Variants in EFCAB11 observed in about 807,000 individuals in gnomAD.
The protein encoded by EFCAB11 is EF-hand calcium-binding domain-containing protein 11.
In EFCAB11, 14 loss-of-function variants were observed where a neutral mutation model predicts 23.0. The ratio of observed to expected loss-of-function variants is 0.61; its 90% CI spans 0.40 to 0.95. EFCAB11 has a LOEUF of 0.95. Ranked by LOEUF, EFCAB11 falls within the 40% of genes least tolerant of loss-of-function variation. EFCAB11 has a pLI of 0.00. For missense variants in EFCAB11, 198 were observed against 195.8 expected (o/e 1.01, Z -0.07); for synonymous variants, 65 against 66.6 (o/e 0.98, Z 0.11).
At chr14:89,831,349 A>T (rs1409866003) in intron 5 of EFCAB11, 3 of 152,222 alleles carry the variant, frequency 2.0e-5, no homozygotes, top group African/African-American at 7.2e-5. Context: ...ATTCAGATAC[A>T]GAGTTTAGAG....
rs372634586 is a variant in EFCAB11, at chr14:89,884,043, C to A, written c.410+47498G>T. Reference sequence around the variant, plus strand: ...TCCAGAGGCGGAGGTGGGAAGATTGCTTGAGCCCAGGAGTTTGAGGCTATA... The same window carrying A: ...TCCAGAGGCGGAGGTGGGAAGATTGATTGAGCCCAGGAGTTTGAGGCTATA... On this transcript the variant is annotated intron_variant, in intron 5 of 5. Coordinates refer to ENST00000316738, the MANE Select transcript of EFCAB11 (RefSeq NM_145231.4). 4.7e-4 allele frequency among the ~76,000 whole-genome samples: 72 copies of A among 152,282 alleles called. No homozygotes were observed. The South Asian group carries it at 0.014, about 29-fold the overall frequency.
chr14:89,881,606 C>A (rs1888605829), intron 5 of EFCAB11, among the ~76,000 whole-genome samples: 1 of 150,964 alleles, frequency 6.6e-6, no homozygotes, highest in African/African-American at 2.4e-5. Context: ...CACCACCACA[C>A]CTGGCTAATT....
chr14:89,948,410 T>C (rs1011270790), intron 3 of EFCAB11, among the ~76,000 whole-genome samples: 1 of 152,216 alleles, frequency 6.6e-6, no homozygotes, highest in Non-Finnish European at 1.5e-5. Context: ...ACAATCACTA[T>C]GGAGAACCAT....
chr14:89,817,471 T>C (rs1357828134), intron 5 of EFCAB11, among the ~76,000 whole-genome samples: 1 of 152,186 alleles, frequency 6.6e-6, no homozygotes, highest in Non-Finnish European at 1.5e-5. Flanking sequence ...CAGTGAGCTA[T>C]GATCGTACCA....
rs745838607 is a variant in EFCAB11 at position 89,797,325 on chromosome 14, C to T, written c.411-1G>A. The T allele has an allele frequency of 4.3e-6, 7 of 1,612,320 alleles. No homozygotes were observed. Among genetic ancestry groups the T allele is most frequent in the African/African-American group, 1.3e-5 (1 of 74,830 alleles). On this transcript the variant is annotated splice_acceptor_variant, in intron 5 of 5. Coordinates refer to ENST00000316738, the MANE Select transcript of EFCAB11 (RefSeq NM_145231.4). LOFTEE classifies it high-confidence loss of function. Reference sequence around the variant, plus strand: ...ACCATCTGAATCTCGATCTACTTCCCTGGAAAATGAAACAAAAAGTCATTT... The same window carrying T: ...ACCATCTGAATCTCGATCTACTTCCTTGGAAAATGAAACAAAAAGTCATTT...
intron 5 of EFCAB11, among the ~76,000 whole-genome samples, chr14:89,838,691 C>G (rs1365120538): frequency 6.6e-6 from 1 of 152,130 alleles, no homozygotes; most frequent in Non-Finnish European, 1.5e-5. Flanking sequence ...TTTGCTTCCA[C>G]CAAAACCCTA....
At chr14:89,860,239 C>G (rs1887879721) in intron 5 of EFCAB11, among the ~76,000 whole-genome samples, 1 of 152,096 alleles carries the variant, frequency 6.6e-6, no homozygotes, top group Non-Finnish European at 1.5e-5. Context: ...TGGCGGGCAC[C>G]CATCATCCCT....
At position 89,950,605 on chromosome 14, in the gene EFCAB11, G is replaced by A. The variant is rs117145888; in HGVS notation, c.172-463C>T. ...AAAATTAAAAAATCAGCCATCCAAT[G>A]AAAATCATTGTTATCATTTTAGACT... On this transcript the variant is annotated intron_variant, in intron 2 of 5. Transcript: ENST00000316738. 8.4e-4 allele frequency among the ~76,000 whole-genome samples: 128 copies of A among 152,202 alleles called. No homozygotes were observed. The East Asian group carries it at 0.023, about 27-fold the overall frequency.
At chr14:89,939,143 C>G (rs954401029) in intron 3 of EFCAB11, among the ~76,000 whole-genome samples, 2 of 152,176 alleles carry the variant, frequency 1.3e-5, no homozygotes, top group Non-Finnish European at 2.9e-5. Flanking sequence ...ATACCTTATT[C>G]TGGACTTTAA....
intron 3 of EFCAB11, among the ~76,000 whole-genome samples, chr14:89,937,579 G>A (rs945307301): frequency 6.6e-6 from 1 of 152,108 alleles, no homozygotes; most frequent in Non-Finnish European, 1.5e-5. Context: ...AGGCTGAAGT[G>A]CTACAGCGCG....
At chr14:89,845,966 C>A (rs1286726020) in intron 5 of EFCAB11, among the ~76,000 whole-genome samples, 1 of 152,188 alleles carries the variant, frequency 6.6e-6, no homozygotes, top group East Asian at 1.9e-4. Context: ...ATCTCAAGTT[C>A]TAGATGCAAA....
intron 5 of EFCAB11, among the ~76,000 whole-genome samples, chr14:89,822,138 A>T (rs536238637): frequency 6.6e-6 from 1 of 152,276 alleles, no homozygotes; most frequent in Non-Finnish European, 1.5e-5. Context: ...TATTGTTAAA[A>T]CACTGGAGCT....
intron 5 of EFCAB11, among the ~76,000 whole-genome samples, chr14:89,835,093 G>A (rs918059995): frequency 3.3e-5 from 5 of 151,762 alleles, no homozygotes; most frequent in African/African-American, 1.2e-4. Context: ...AGATATAGGA[G>A]GCAAGGCCAT....
rs186688269 is a variant in EFCAB11 at position 89,909,735 on chromosome 14, G to A, written c.410+21806C>T. Reference sequence around the variant, plus strand: ...TCTCATCACTCTGCATTCATCTCTCGTTCCACCCACCCACTGAAAAAAATA... The same window carrying A: ...TCTCATCACTCTGCATTCATCTCTCATTCCACCCACCCACTGAAAAAAATA... On this transcript the variant is annotated intron_variant, in intron 5 of 5. Coordinates refer to ENST00000316738, the MANE Select transcript of EFCAB11 (RefSeq NM_145231.4). 2.3e-3 allele frequency among the ~76,000 whole-genome samples: 348 copies of A among 152,106 alleles called. 1 individual carries two copies. Among genetic ancestry groups the A allele is most frequent in the African/African-American group, 8.2e-3 (340 of 41,440 alleles).
At chr14:89,851,706 T>G (rs1887605459) in intron 5 of EFCAB11, among the ~76,000 whole-genome samples, 1 of 152,226 alleles carries the variant, frequency 6.6e-6, no homozygotes, top group Non-Finnish European at 1.5e-5. Context: ...TTTTAAGAAT[T>G]GGAAGACTAT....
chr14:89,896,652 C>G (rs1390328215), intron 5 of EFCAB11, among the ~76,000 whole-genome samples: 1 of 152,042 alleles, frequency 6.6e-6, no homozygotes, highest in Non-Finnish European at 1.5e-5. Flanking sequence ...AAAAAGGAAA[C>G]AAAGACAAAC....
chr14:89,846,695 G>A (rs1887442256), intron 5 of EFCAB11, among the ~76,000 whole-genome samples: 1 of 152,008 alleles, frequency 6.6e-6, no homozygotes, highest in Non-Finnish European at 1.5e-5. Flanking sequence ...AGACTCCCAA[G>A]ACCTTGGCCC....
intron 5 of EFCAB11, among the ~76,000 whole-genome samples, chr14:89,912,423 C>G (rs553222763): frequency 6.6e-6 from 1 of 152,098 alleles, no homozygotes; most frequent in East Asian, 1.9e-4. Context: ...ATTACCCAGG[C>G]TGATTTAGAT....
chr14:89,855,238 G>C (rs888682852), intron 5 of EFCAB11, among the ~76,000 whole-genome samples: 11 of 152,112 alleles, frequency 7.2e-5, no homozygotes, highest in Admixed American at 6.5e-5. Context: ...CACTTTGGGA[G>C]GCAGAGGCAG....
Sources: gnomAD v4.1 joint callset for allele counts (sites outside exome capture counted in the v4.1 genomes callset) on GRCh38, gnomAD v4.1.1 for gene constraint, MANE v1.5 for transcripts, NCBI Gene and HGNC (gene_info 2026-07-23, HGNC 2026-07-21) for gene names.